The following TRAT1 variants were observed in gnomAD, a reference collection of about 807,000 sequenced individuals.
The protein encoded by TRAT1 is T-cell receptor-associated transmembrane adapter 1.
Under a neutral mutation model 20.0 loss-of-function variants are expected in TRAT1, and 20 were observed. The observed-to-expected ratio is 1.00, with a 90% CI of 0.70 to 1.45. The LOEUF is 1.45. Ranked by LOEUF, TRAT1 falls within the 40% of genes most tolerant of loss-of-function variation. The pLI, the probability that TRAT1 is intolerant of heterozygous loss-of-function variation, is 0.00. For missense variants in TRAT1, 237 were observed against 224.1 expected (o/e 1.06, Z -0.37); for synonymous variants, 77 against 74.2 (o/e 1.04, Z -0.20).
chr3:108,851,142 C>G (rs1945994813), intron 5 of TRAT1, among the ~76,000 whole-genome samples: 1 of 152,136 alleles, frequency 6.6e-6, no homozygotes, highest in Admixed American at 6.5e-5. Context: ...TACTACAATA[C>G]CTACTTTGTT....
intron 3 of TRAT1, among the ~76,000 whole-genome samples, chr3:108,839,585 G>T (rs1355880196): frequency 1.3e-5 from 2 of 151,712 alleles, no homozygotes; most frequent in African/African-American, 4.8e-5. Context: ...GGCGGAGGTT[G>T]CAGTGAGCCA....
chr3:108,838,419 A>G (rs7616729), intron 2 of TRAT1, among the ~76,000 whole-genome samples: 72,004 of 151,868 alleles, frequency 0.47, 19,571 homozygotes, highest in East Asian at 0.9. Flanking sequence ...TTGATAAAAG[A>G]AAAGTCTCCT....
chr3:108,846,118 G>A (rs559005532), intron 3 of TRAT1, among the ~76,000 whole-genome samples: 1 of 152,280 alleles, frequency 6.6e-6, no homozygotes, highest in Non-Finnish European at 1.5e-5. Context: ...TCCTCATGAT[G>A]TGGACTGAGC....
intron 2 of TRAT1, among the ~76,000 whole-genome samples, chr3:108,835,655 C>T (rs1428011861): frequency 6.6e-6 from 1 of 152,138 alleles, no homozygotes; most frequent in Non-Finnish European, 1.5e-5. Context: ...ATGGGGTGCC[C>T]TTGAACTTCT....
chr3:108,829,812 A>G (rs1945776658), intron 1 of TRAT1, among the ~76,000 whole-genome samples: 1 of 152,194 alleles, frequency 6.6e-6, no homozygotes, highest in South Asian at 2.1e-4. Context: ...GAGCAATACA[A>G]TTATGTACAG....
intron 1 of TRAT1, among the ~76,000 whole-genome samples, chr3:108,825,533 G>T (rs553591186): frequency 6.6e-6 from 1 of 152,094 alleles, no homozygotes; most frequent in South Asian, 2.1e-4. Context: ...TGGGACTAAC[G>T]TGTAAATTAT....
At chr3:108,835,790 C>T (rs189112815) in intron 2 of TRAT1, among the ~76,000 whole-genome samples, 2 of 152,112 alleles carry the variant, frequency 1.3e-5, no homozygotes, top group East Asian at 1.9e-4. Context: ...TATATAGTTG[C>T]TTCTATTTCC....
chr3:108,840,952 C>A (rs1397399782), intron 3 of TRAT1, among the ~76,000 whole-genome samples: 1 of 152,240 alleles, frequency 6.6e-6, no homozygotes, highest in Non-Finnish European at 1.5e-5. Flanking sequence ...AGCAGCCTAC[C>A]TTTGGGTTTA....
chr3:108,831,684 C>T (rs1317207792), intron 2 of TRAT1, among the ~76,000 whole-genome samples: 2 of 151,908 alleles, frequency 1.3e-5, no homozygotes, highest in East Asian at 3.9e-4. Context: ...GGATTACAGG[C>T]ATGCACAAAC....
At chr3:108,823,848 G>A (rs1181869394) in intron 1 of TRAT1, among the ~76,000 whole-genome samples, 2 of 151,800 alleles carry the variant, frequency 1.3e-5, no homozygotes, top group African/African-American at 2.4e-5. Context: ...GTTTATTGCT[G>A]AACATTTATG....
intron 5 of TRAT1, among the ~76,000 whole-genome samples, chr3:108,852,908 T>A (rs1203989672): frequency 2.6e-5 from 4 of 152,198 alleles, no homozygotes; most frequent in African/African-American, 9.6e-5. Flanking sequence ...GCATGTTGCT[T>A]CCCCTAGATA....
In TRAT1 at chr3:108,839,079, T is replaced by C. The variant is rs1378200966; in HGVS notation, c.152+112T>C. 21 of 820,876 alleles carry C rather than the reference T, an allele frequency of 2.6e-5. No individual in the cohort carries two copies. In the Middle Eastern group the frequency reaches 9.2e-4, roughly 36 times the overall value. 50.8% of individuals were successfully genotyped at this position (820,876 alleles called of 1,614,324 possible). On this transcript the variant is annotated intron_variant, in intron 3 of 5. Transcript: ENST00000295756. ...ATATTGTACTTAGGTTAAAATGAAA[T>C]GAAAAGTGAGTTTTAATTACTTTTA...
chr3:108,823,521 A>T (rs1945710790), intron 1 of TRAT1, among the ~76,000 whole-genome samples: 1 of 152,168 alleles, frequency 6.6e-6, no homozygotes, highest in South Asian at 2.1e-4. Context: ...ATGTACTTTT[A>T]ATTTATTAAA....
At chr3:108,823,034 A>G (rs759304678) in intron 1 of TRAT1, 100 bp downstream of exon 1, 13 of 1,032,722 alleles carry the variant, frequency 1.3e-5, no homozygotes, top group Non-Finnish European at 1.9e-5. Flanking sequence ...GAAAGTAGTT[A>G]TTTTAAAAAT....
At chr3:108,828,917 C>A (rs1412919312) in intron 1 of TRAT1, among the ~76,000 whole-genome samples, 1 of 152,168 alleles carries the variant, frequency 6.6e-6, no homozygotes, top group Non-Finnish European at 1.5e-5. Context: ...TCATCAAAGT[C>A]TATTTTACTT....
At chr3:108,830,507 C>A (rs1945782840) in intron 1 of TRAT1, among the ~76,000 whole-genome samples, 163 bp from the exon 2 acceptor site, 2 of 152,196 alleles carry the variant, frequency 1.3e-5, no homozygotes, top group Non-Finnish European at 2.9e-5. Context: ...CACCAACACC[C>A]ACTTTGAAAA....
chr3:108,835,822 C>T (rs539677437), intron 2 of TRAT1, among the ~76,000 whole-genome samples: 2 of 151,890 alleles, frequency 1.3e-5, no homozygotes, highest in Non-Finnish European at 2.9e-5. Context: ...CAGTTTTTGT[C>T]TTTTTTTTCT....
At chr3:108,830,871 A>AATGTCATTCAACAGGATATTTTT in intron 2 of TRAT1, 91 bp downstream of exon 2, 1 of 799,034 alleles carries the variant, frequency 1.3e-6, no homozygotes, top group Non-Finnish European at 2.1e-6. Context: ...AATTTTATGA[A>AATGTCATTCAACAGGATATTTTT]ATGTCATTCA....
chr3:108,832,822 G>A (rs1395430238), intron 2 of TRAT1, among the ~76,000 whole-genome samples: 1 of 152,092 alleles, frequency 6.6e-6, no homozygotes. Flanking sequence ...AACCTTAATA[G>A]TCAATTTTTT....
Sources: allele counts gnomAD v4.1 joint callset (sites outside exome capture counted in the v4.1 genomes callset), GRCh38; gene constraint gnomAD v4.1.1; transcripts MANE v1.5; gene names NCBI Gene and HGNC (gene_info 2026-07-23, HGNC 2026-07-21).